Variants in TTC39B observed in about 807,000 individuals in gnomAD.
TTC39B encodes tetratricopeptide repeat domain 39B.
Under a neutral mutation model 96.6 loss-of-function variants are expected in TTC39B, and 92 were observed. The ratio of observed to expected loss-of-function variants is 0.95; its 90% CI spans 0.80 to 1.13. TTC39B has a LOEUF of 1.13. Among genes scored for constraint, TTC39B ranks in the 50% most tolerant of loss-of-function variants. The probability of loss-of-function intolerance (pLI) is 0.00; values close to 1 mark genes in which losing one functional copy is unlikely to be tolerated. For missense variants in TTC39B, 955 were observed against 809.3 expected (o/e 1.18, Z -2.18); for synonymous variants, 367 against 299.4 (o/e 1.23, Z -2.33).
intron 9 of TTC39B, 120 bp from the exon 10 acceptor site, chr9:15,191,375 A>G: frequency 1.6e-6 from 1 of 639,126 alleles, no homozygotes; most frequent in Non-Finnish European, 2.7e-6. Context: ...ACAAGTTTTA[A>G]CCACCAGATA....
At chr9:15,194,987 C>A (rs1303990253) in intron 8 of TTC39B, among the ~76,000 whole-genome samples, 1 of 152,206 alleles carries the variant, frequency 6.6e-6, no homozygotes, top group African/African-American at 2.4e-5. Flanking sequence ...TCGCACCTCT[C>A]ATTTGAAATC....
chr9:15,296,360 A>G (rs562423795), intron 1 of TTC39B, among the ~76,000 whole-genome samples: 57 of 152,348 alleles, frequency 3.7e-4, no homozygotes, highest in African/African-American at 1.3e-3. Flanking sequence ...GTACCTTAGA[A>G]ATGGGGTTGG....
exon 20 of TTC39B, chr9:15,166,094 A>C (rs889372093): frequency 3.3e-5 from 5 of 152,106 alleles, no homozygotes; most frequent in Non-Finnish European, 7.3e-5. Flanking sequence ...ATATGCCAGC[A>C]CCCCTTAAAT....
chr9:15,166,095 C>T (rs1302722024), exon 20 of TTC39B: 3 of 152,044 alleles, frequency 2.0e-5, no homozygotes, highest in Non-Finnish European at 2.9e-5. Context: ...TATGCCAGCA[C>T]CCCTTAAATT....
At chr9:15,217,779 T>A (rs1302178011) in intron 3 of TTC39B, among the ~76,000 whole-genome samples, 1 of 152,070 alleles carries the variant, frequency 6.6e-6, no homozygotes, top group Non-Finnish European at 1.5e-5. Context: ...ACTCTTCTCT[T>A]CCTAAAACAG....
intron 2 of TTC39B, among the ~76,000 whole-genome samples, chr9:15,248,602 TTGAA>T (rs56177200): frequency 3.2e-4 from 49 of 151,366 alleles, no homozygotes; most frequent in Admixed American, 8.6e-4. Flanking sequence ...GTAAACATTT[TTGAA>T]TGAATGAATG....
chr9:15,222,984 A>G (rs1820930531), intron 3 of TTC39B, among the ~76,000 whole-genome samples: 1 of 152,164 alleles, frequency 6.6e-6, no homozygotes, highest in South Asian at 2.1e-4. Context: ...CAGGGTGCAG[A>G]GTCTTTCCTC....
intron 3 of TTC39B, among the ~76,000 whole-genome samples, chr9:15,219,757 A>G (rs1820738114): frequency 6.6e-6 from 1 of 152,194 alleles, no homozygotes; most frequent in Non-Finnish European, 1.5e-5. Flanking sequence ...CAGGGCATAA[A>G]TGGCCCAGCC....
chr9:15,268,403 C>T (rs1382442713), intron 1 of TTC39B, among the ~76,000 whole-genome samples: 1 of 152,140 alleles, frequency 6.6e-6, no homozygotes, highest in Non-Finnish European at 1.5e-5. Context: ...CAGCCTTTCC[C>T]CCAGTTTACT....
At chr9:15,181,340 C>A (rs1818238253) in intron 17 of TTC39B, among the ~76,000 whole-genome samples, 1 of 152,108 alleles carries the variant, frequency 6.6e-6, no homozygotes. Flanking sequence ...GGGGTAATAC[C>A]TAAGTGACTT....
chr9:15,197,802 C>T (rs559681174), intron 8 of TTC39B, among the ~76,000 whole-genome samples: 1 of 151,724 alleles, frequency 6.6e-6, no homozygotes, highest in African/African-American at 2.4e-5. Context: ...AAAAACTGAA[C>T]AACACAGGCT....
At chr9:15,211,166 T>C in intron 5 of TTC39B, 100 bp downstream of exon 5, 1 of 1,324,712 alleles carries the variant, frequency 7.5e-7, no homozygotes, top group Non-Finnish European at 9.9e-7. Context: ...CTGTGGCCAA[T>C]TTCAAACACA....
chr9:15,218,206 T>A (rs907366473), intron 3 of TTC39B, among the ~76,000 whole-genome samples: 1 of 151,516 alleles, frequency 6.6e-6, no homozygotes, highest in African/African-American at 2.4e-5. Flanking sequence ...CAGCATTTTT[T>A]GCAAGAGGCT....
At chr9:15,239,917 T>C (rs1020845992) in intron 2 of TTC39B, among the ~76,000 whole-genome samples, 1 of 152,100 alleles carries the variant, frequency 6.6e-6, no homozygotes, top group Admixed American at 6.5e-5. Context: ...ACTTTAAAAA[T>C]AAAAAATGGT....
intron 2 of TTC39B, among the ~76,000 whole-genome samples, chr9:15,257,793 C>G (rs1273568213): frequency 2.6e-5 from 4 of 151,330 alleles, no homozygotes; most frequent in Non-Finnish European, 1.5e-5. Context: ...GGCACGGTGG[C>G]TCACGCCTGT....
At chr9:15,183,346 T>C in intron 16 of TTC39B, 3 of 435,784 alleles carry the variant, frequency 6.9e-6, no homozygotes, top group South Asian at 1.7e-5. Flanking sequence ...AGAATCTTTT[T>C]TAAATTGATG....
chr9:15,221,166 C>T (rs1445541318), intron 3 of TTC39B, among the ~76,000 whole-genome samples: 1 of 152,142 alleles, frequency 6.6e-6, no homozygotes, highest in South Asian at 2.1e-4. Flanking sequence ...ACATTGCCCC[C>T]TAACTTTAGT....
chr9:15,253,377 G>C (rs1431169098), intron 2 of TTC39B, among the ~76,000 whole-genome samples: 2 of 152,196 alleles, frequency 1.3e-5, no homozygotes, highest in African/African-American at 4.8e-5. Context: ...GCAGGATGTG[G>C]CCAAGAGCCA....
intron 8 of TTC39B, among the ~76,000 whole-genome samples, chr9:15,193,280 T>C (rs1476428678): frequency 6.6e-6 from 1 of 152,222 alleles, no homozygotes; most frequent in Non-Finnish European, 1.5e-5. Context: ...TATGTATTTC[T>C]CTCTTGCCTG....
Sources: gnomAD v4.1 joint callset for allele counts (sites outside exome capture counted in the v4.1 genomes callset) on GRCh38, gnomAD v4.1.1 for gene constraint, MANE v1.5 for transcripts, NCBI Gene and HGNC (gene_info 2026-07-23, HGNC 2026-07-21) for gene names.